LRRC53: variants seen among roughly 807,000 people sequenced by gnomAD.
The protein encoded by LRRC53 is leucine rich repeat containing 53.
LRRC53 carries 25 observed loss-of-function variants against 13.6 expected under a neutral mutation model. The ratio of observed to expected loss-of-function variants is 1.83; its 90% CI spans 1.34 to 2.56. LRRC53 has a LOEUF of 2.56. Among genes scored for constraint, LRRC53 ranks in the 30% most tolerant of loss-of-function variants. LRRC53 has a pLI of 0.00. For missense variants in LRRC53, 527 were observed against 275.8 expected, an observed-to-expected ratio of 1.91 and a Z score of -6.45; for synonymous variants, 204 against 109.8, an observed-to-expected ratio of 1.86 and a Z score of -5.37.
Position 74,505,595 on chromosome 1 carries a change from T to C in LRRC53, c.-27+6931A>G, listed in dbSNP as rs184495041. ...CCTTTAACATCTTCCATGTGGACTA[T>C]ATCTAAACCTCATATAATGCAAAAA... On this transcript the variant is annotated intron_variant, in intron 1 of 4. Coordinates refer to ENST00000294635, the MANE Select transcript of LRRC53 (RefSeq NM_001382280.1). Among the ~76,000 whole-genome samples the C allele has an allele frequency of 7.2e-5, 11 of 152,352 alleles. 1 individual carries two copies. The highest frequency in any genetic ancestry group is 1.9e-4 in the East Asian group (1 of 5,182).
intron 1 of LRRC53, among the ~76,000 whole-genome samples, chr1:74,505,442 C>T (rs1669844025): frequency 6.6e-6 from 1 of 152,206 alleles, no homozygotes; most frequent in Non-Finnish European, 1.5e-5. Flanking sequence ...GTGGGTGATG[C>T]TGGTGTCTCT....
intron 4 of LRRC53, among the ~76,000 whole-genome samples, chr1:74,475,064 G>A (rs1333268715): frequency 6.7e-6 from 1 of 148,946 alleles, no homozygotes; most frequent in African/African-American, 2.5e-5. Flanking sequence ...TTAGCAGTCA[G>A]GAGATGCACT....
At chr1:74,515,770 T>A (rs145845784), upstream of LRRC53, among the ~76,000 whole-genome samples, 153 of 152,304 alleles carry the variant, frequency 1.0e-3, 1 homozygote, top group East Asian at 0.015. Context: ...AAAATAAGTA[T>A]GATAAAAGCT....
intron 1 of LRRC53, among the ~76,000 whole-genome samples, chr1:74,509,324 C>T (rs571270323): frequency 6.6e-6 from 1 of 152,246 alleles, no homozygotes; most frequent in African/African-American, 2.4e-5. Flanking sequence ...AGGAAAATGA[C>T]ATTTGAGGGT....
At chr1:74,475,116 C>CCACACACACACACACACACACACACACA (rs3058791) in intron 4 of LRRC53, among the ~76,000 whole-genome samples, 179 bp downstream of exon 4, 1 of 135,912 alleles carries the variant, frequency 7.4e-6, no homozygotes, top group Non-Finnish European at 1.6e-5. Context: ...CCACCTCAGC[C>CCACACACACACACACACACACACACACA]CACACACACA....
chr1:74,481,351 A>G (rs561561282), intron 2 of LRRC53, among the ~76,000 whole-genome samples: 1 of 152,204 alleles, frequency 6.6e-6, no homozygotes, highest in Non-Finnish European at 1.5e-5. Context: ...GGACAGAATC[A>G]ACTAAGAGCT....
intron 4 of LRRC53, among the ~76,000 whole-genome samples, chr1:74,474,490 T>C (rs533141120): frequency 2.6e-5 from 4 of 152,222 alleles, no homozygotes; most frequent in Admixed American, 2.6e-4. Flanking sequence ...CAGACCCCTG[T>C]GGTAAGAATT....
At chr1:74,489,249 G>A in intron 1 of LRRC53, 1 of 1,608,736 alleles carries the variant, frequency 6.2e-7, no homozygotes, top group African/African-American at 1.3e-5. Flanking sequence ...CAACATTGAG[G>A]TAAAAGCTTT....
At chr1:74,515,329 A>G (rs1171221447), upstream of LRRC53, among the ~76,000 whole-genome samples, 2 of 152,126 alleles carry the variant, frequency 1.3e-5, no homozygotes, top group East Asian at 3.8e-4. Flanking sequence ...TTTTTCCTTC[A>G]TCATTTGGGA....
At chr1:74,513,223 T>G (rs557690896), upstream of LRRC53, among the ~76,000 whole-genome samples, 1 of 152,306 alleles carries the variant, frequency 6.6e-6, no homozygotes, top group African/African-American at 2.4e-5. Context: ...CACGTGTGCT[T>G]TCCTAGTTCG....
Position 74,501,129 on chromosome 1 carries a change from C to T in LRRC53, c.-27+11397G>A, listed in dbSNP as rs549395487. ...TTTTTAAAGTTTCTCACTCTATTTT[C>T]CACATTTCTCAATCTCTTTTTAAAA... On this transcript the variant is annotated intron_variant, in intron 1 of 4. Transcript: ENST00000294635. Among the ~76,000 whole-genome samples, 3 of 152,198 alleles carry T rather than the reference C, an allele frequency of 2.0e-5. No homozygotes were observed. In the South Asian group the frequency reaches 6.2e-4, roughly 32 times the overall value.
At position 74,480,827 on chromosome 1, in the gene LRRC53, A is replaced by G. The variant is rs1332382098; in HGVS notation, c.230T>C (p.Leu77Pro). Reference protein sequence around the residue: ...NGIEDVQEDALHGLTMLRTLL... With the variant: ...NGIEDVQEDAPHGLTMLRTLL... ...GGTCCGCAACATCGTAAGCCCATGC[A>G]GGGCATCTTCCTGAACATCCTCGAT... Residue 77 changes from leucine to proline, a missense_variant, in exon 3 of 5, where the codon CTG becomes CCG. Coordinates refer to ENST00000294635, the MANE Select transcript of LRRC53 (RefSeq NM_001382280.1). 1.4e-6 allele frequency: 1 copy of G among 717,588 alleles called. No individual in the cohort carries two copies. The highest frequency in any genetic ancestry group is 2.7e-5 in the East Asian group (1 of 37,274). The allele number at this position is 717,588 out of a possible 1,614,324, so 44.5% of individuals were successfully genotyped here.
chr1:74,509,081 C>T (rs1250441752), intron 1 of LRRC53, among the ~76,000 whole-genome samples: 1 of 152,132 alleles, frequency 6.6e-6, no homozygotes, highest in Non-Finnish European at 1.5e-5. Flanking sequence ...TATTCAGACA[C>T]TTTCTTCTTC....
chr1:74,488,067 G>T (rs950678084), intron 1 of LRRC53, among the ~76,000 whole-genome samples: 1 of 152,200 alleles, frequency 6.6e-6, no homozygotes, highest in South Asian at 2.1e-4. Context: ...ATGATCATTT[G>T]CATGGATAAT....
intron 2 of LRRC53, among the ~76,000 whole-genome samples, chr1:74,482,103 T>C (rs185198515): frequency 5.6e-4 from 86 of 152,306 alleles, no homozygotes; most frequent in African/African-American, 1.9e-3. Context: ...AGTTCGGCAT[T>C]TTGTTTCTCT....
intron 1 of LRRC53, among the ~76,000 whole-genome samples, chr1:74,501,290 T>G (rs905421835): frequency 6.6e-6 from 1 of 152,240 alleles, no homozygotes; most frequent in African/African-American, 2.4e-5. Flanking sequence ...TAATTCAATT[T>G]ATTTCTAATT....
At chr1:74,495,473 CAG>C (rs1344549556) in intron 1 of LRRC53, among the ~76,000 whole-genome samples, 1 of 152,124 alleles carries the variant, frequency 6.6e-6, no homozygotes, top group Non-Finnish European at 1.5e-5. Flanking sequence ...GCTCAATAAA[CAG>C]GAATTATTTT....
chr1:74,534,366 T>C, the LRRC53 span, among the ~76,000 whole-genome samples: 2 of 152,200 alleles, frequency 1.3e-5, no homozygotes, highest in African/African-American at 2.4e-5. Flanking sequence ...GAAGTCTTCT[T>C]TGGAATGCAA....
chr1:74,505,485 A>G (rs1354111595), intron 1 of LRRC53, among the ~76,000 whole-genome samples: 1 of 152,204 alleles, frequency 6.6e-6, no homozygotes, highest in East Asian at 1.9e-4. Context: ...AATGATTTCT[A>G]AATAGATTTC....
Sources: gnomAD v4.1 joint callset for allele counts (sites outside exome capture counted in the v4.1 genomes callset) on GRCh38, gnomAD v4.1.1 for gene constraint, MANE v1.5 for transcripts, NCBI Gene and HGNC (gene_info 2026-07-23, HGNC 2026-07-21) for gene names.